The following MKLN1 variants were observed in gnomAD, a reference collection of about 807,000 sequenced individuals.
MKLN1 encodes the protein muskelin 1.
A neutral mutation model predicts 99.0 loss-of-function variants in MKLN1; 18 were observed. That is an observed-to-expected ratio of 0.18 (90% CI 0.13 to 0.27). The LOEUF is 0.27. MKLN1 is among the 10% of genes least tolerant of loss of function. The pLI, the probability that MKLN1 is intolerant of heterozygous loss-of-function variation, is 1.00. For synonymous variants in MKLN1, 288 were observed against 293.2 expected (o/e 0.98, Z 0.18); for missense variants, 621 against 875.9 (o/e 0.71, Z 3.67).
At chr7:131,418,189 T>G (rs1434964528) in intron 8 of MKLN1, among the ~76,000 whole-genome samples, 1 of 151,716 alleles carries the variant, frequency 6.6e-6, no homozygotes. Context: ...GCCAACATGG[T>G]AAAACCCCAT....
chr7:131,150,504 A>T (rs1446713564), intron 2 of MKLN1, among the ~76,000 whole-genome samples: 1 of 152,156 alleles, frequency 6.6e-6, no homozygotes, highest in East Asian at 1.9e-4. Context: ...CAAACAAACA[A>T]ACAAACAATA....
chr7:131,339,270 C>T (rs929907901), intron 1 of MKLN1, among the ~76,000 whole-genome samples: 1 of 152,156 alleles, frequency 6.6e-6, no homozygotes, highest in African/African-American at 2.4e-5. Context: ...TTGTTTTATT[C>T]TTGTTCTTAG....
intron 3 of MKLN1, among the ~76,000 whole-genome samples, chr7:131,304,955 T>A (rs748386603): frequency 2.6e-5 from 4 of 152,122 alleles, no homozygotes; most frequent in Non-Finnish European, 4.4e-5. Context: ...TGGAAGGAGC[T>A]AGGCAGGCCC....
chr7:131,251,045 C>T (rs1797569716), intron 3 of MKLN1, among the ~76,000 whole-genome samples: 1 of 151,580 alleles, frequency 6.6e-6, no homozygotes, highest in Non-Finnish European at 1.5e-5. Context: ...TGTTATTAAG[C>T]AATTTGAAGA....
chr7:131,131,041 G>A (rs1445445544), intron 1 of MKLN1, among the ~76,000 whole-genome samples: 9 of 95,694 alleles, frequency 9.4e-5, no homozygotes, highest in Non-Finnish European at 1.3e-4. Flanking sequence ...AACAGAGGGA[G>A]ACCCTGTCTC....
At chr7:131,314,268 C>T (rs926725766) in intron 3 of MKLN1, among the ~76,000 whole-genome samples, 1 of 152,148 alleles carries the variant, frequency 6.6e-6, no homozygotes, top group African/African-American at 2.4e-5. Flanking sequence ...CTCCATGACT[C>T]TTCACACTCC....
intron 3 of MKLN1, among the ~76,000 whole-genome samples, chr7:131,221,594 C>T (rs75287872): frequency 0.071 from 10,718 of 150,780 alleles, 418 homozygotes; most frequent in African/African-American, 0.088. Flanking sequence ...CTGCAACCTC[C>T]GTCTTCTGGT....
intron 1 of MKLN1, among the ~76,000 whole-genome samples, chr7:131,355,969 T>TTTTAGAC (rs1198908450): frequency 6.6e-6 from 1 of 152,096 alleles, no homozygotes; most frequent in African/African-American, 2.4e-5. Flanking sequence ...ATCTCTTAAA[T>TTTTAGAC]TTTAGACTTT....
At chr7:131,291,306 T>C (rs1308028577) in intron 3 of MKLN1, among the ~76,000 whole-genome samples, 1 of 151,088 alleles carries the variant, frequency 6.6e-6, no homozygotes, top group East Asian at 1.9e-4. Context: ...AATTTTTGTA[T>C]TTTTAGTAGA....
chr7:131,487,830 T>C lies in MKLN1; in HGVS notation c.*102T>C. ...CAGTAAAGCTGCAGTGATTGAGGAC[T>C]GCACCAGAGTTCTGAAGGGATCTTA... On this transcript the variant is annotated 3_prime_UTR_variant, in exon 18 of 18. Coordinates refer to ENST00000352689, the MANE Select transcript of MKLN1 (RefSeq NM_013255.5). This position sits in a 1 kb window ranked among gnomAD's most constrained non-coding sequence, Gnocchi z 4.7. The C allele has an allele frequency of 1.4e-6, 2 of 1,388,348 alleles. No homozygotes were observed. The highest frequency in any genetic ancestry group is 2.3e-5 in the East Asian group (1 of 42,908). 86.0% of individuals were successfully genotyped at this position (1,388,348 alleles called of 1,614,324 possible). A position where few individuals can be genotyped will look rare whatever the true frequency, so the allele number is the denominator to read the frequency against.
At chr7:131,208,595 T>C (rs901740347) in intron 3 of MKLN1, among the ~76,000 whole-genome samples, 25 of 152,158 alleles carry the variant, frequency 1.6e-4, no homozygotes, top group African/African-American at 5.6e-4. Context: ...TGAGACCCTG[T>C]CTTGAAAAAT....
At chr7:131,471,921 C>G (rs1014241477) in intron 16 of MKLN1, 2 of 152,206 alleles carry the variant, frequency 1.3e-5, no homozygotes, top group African/African-American at 4.8e-5. Context: ...GATACTCTTT[C>G]ATAGTTTCGT....
intron 3 of MKLN1, among the ~76,000 whole-genome samples, chr7:131,250,439 C>T (rs548795307): frequency 2.0e-5 from 3 of 152,252 alleles, no homozygotes; most frequent in East Asian, 3.9e-4. Flanking sequence ...CATGGCCTGG[C>T]TTGTTAAGAC....
chr7:131,183,866 T>A (rs557821134), intron 2 of MKLN1, among the ~76,000 whole-genome samples: 3 of 152,264 alleles, frequency 2.0e-5, no homozygotes, highest in African/African-American at 7.2e-5. Context: ...TTAGCCTCTG[T>A]TGTGCCTCAG....
At chr7:131,467,795 C>T (rs1376763709) in intron 15 of MKLN1, among the ~76,000 whole-genome samples, 2 of 152,164 alleles carry the variant, frequency 1.3e-5, no homozygotes, top group Admixed American at 1.3e-4. Flanking sequence ...TCTGCATGTT[C>T]TTCCCGAAGA....
chr7:131,398,674 G>A (rs1794433551), intron 5 of MKLN1, among the ~76,000 whole-genome samples: 1 of 151,418 alleles, frequency 6.6e-6, no homozygotes, highest in African/African-American at 2.4e-5. Context: ...CTGGGAGACA[G>A]AGCAAGACCC....
rs1324235758 is a variant in MKLN1, at chr7:131,203,405, GA to G, written c.-179+438del. On this transcript the variant is annotated intron_variant, in intron 3 of 7. Coordinates refer to the MKLN1 transcript ENST00000416992. Reference sequence around the variant, plus strand: ...TTGCCAGAGGATTTTAAGGGAGGAGGAAAAAAAGAGTGAGGAAATTTTCCCT... The same window carrying G: ...TTGCCAGAGGATTTTAAGGGAGGAGGAAAAAAGAGTGAGGAAATTTTCCCT... 2.6e-5 allele frequency among the ~76,000 whole-genome samples: 4 copies of G among 152,124 alleles called. No homozygotes were observed. The East Asian group carries it at 7.7e-4, about 29-fold the overall frequency.
intron 3 of MKLN1, chr7:131,310,164 A>G (rs1798540730): frequency 6.6e-6 from 1 of 152,238 alleles, no homozygotes; most frequent in Non-Finnish European, 1.5e-5. Context: ...GTGCAGCACC[A>G]GTAGGCTAAT....
chr7:131,369,010 AC>A (rs1800264541), intron 1 of MKLN1, among the ~76,000 whole-genome samples: 1 of 152,060 alleles, frequency 6.6e-6, no homozygotes, highest in Admixed American at 6.6e-5. Context: ...TCACACACAC[AC>A]ACACACACAC....
Sources: gnomAD v4.1 joint callset for allele counts (sites outside exome capture counted in the v4.1 genomes callset) on GRCh38, gnomAD v4.1.1 for gene constraint, Gnocchi (gnomAD v3.1) non-coding constraint, MANE v1.5 for transcripts, NCBI Gene and HGNC (gene_info 2026-07-23, HGNC 2026-07-21) for gene names.